The following FOCAD variants were observed in gnomAD, a reference collection of about 807,000 sequenced individuals.
FOCAD encodes focadhesin.
FOCAD carries 198 observed loss-of-function variants against 225.6 expected under a neutral mutation model. That is an observed-to-expected ratio of 0.88 (90% CI 0.78 to 0.99). The LOEUF (loss-of-function observed/expected upper bound fraction) is 0.99. Ranked by LOEUF, FOCAD falls within the 50% of genes least tolerant of loss-of-function variation. The pLI is 0.00. For synonymous variants in FOCAD, 897 were observed against 755.0 expected, an observed-to-expected ratio of 1.19 and a Z score of -3.08; for missense variants, 2,713 against 2,123.6, an observed-to-expected ratio of 1.28 and a Z score of -5.46.
intron 18 of FOCAD, among the ~76,000 whole-genome samples, 185 bp downstream of exon 18, chr9:20,867,197 A>G (rs1829362226): frequency 6.6e-6 from 1 of 151,958 alleles, no homozygotes; most frequent in Non-Finnish European, 1.5e-5. Context: ...TTTGAAGCAG[A>G]TGGAAGACAC....
At chr9:20,798,105 C>T (rs941184092) in intron 11 of FOCAD, among the ~76,000 whole-genome samples, 1 of 152,130 alleles carries the variant, frequency 6.6e-6, no homozygotes, top group Non-Finnish European at 1.5e-5. Context: ...TTGAGATAAT[C>T]ATGTGGTTTT....
chr9:20,833,001 A>C (rs143792415), intron 15 of FOCAD, among the ~76,000 whole-genome samples: 1 of 152,088 alleles, frequency 6.6e-6, no homozygotes, highest in Admixed American at 6.6e-5. Flanking sequence ...AAAGTTGCAT[A>C]TACTACTTTG....
chr9:20,927,606 A>G (rs1487390932), intron 26 of FOCAD, among the ~76,000 whole-genome samples: 2 of 151,832 alleles, frequency 1.3e-5, no homozygotes, highest in Non-Finnish European at 2.9e-5. Flanking sequence ...ATGAGAAAAC[A>G]CTTTTTTGTT....
chr9:20,735,047 T>C (rs1213208389), intron 4 of FOCAD, among the ~76,000 whole-genome samples: 1 of 152,210 alleles, frequency 6.6e-6, no homozygotes, highest in African/African-American at 2.4e-5. Flanking sequence ...TGAACCAACA[T>C]ATCAACATGA....
intron 2 of FOCAD, among the ~76,000 whole-genome samples, chr9:20,673,780 G>A (rs1039582988): frequency 3.3e-5 from 5 of 152,052 alleles, no homozygotes; most frequent in African/African-American, 1.2e-4. Flanking sequence ...CCATGTTGCC[G>A]AGGCTGGTCT....
At chr9:20,932,219 C>T (rs987954836) in intron 27 of FOCAD, among the ~76,000 whole-genome samples, 7 of 152,048 alleles carry the variant, frequency 4.6e-5, no homozygotes, top group African/African-American at 1.7e-4. Context: ...GCAAAAATTC[C>T]TTCACCTTGG....
chr9:20,842,009 C>T (rs1023545300), intron 15 of FOCAD, among the ~76,000 whole-genome samples: 17 of 151,816 alleles, frequency 1.1e-4, no homozygotes, highest in African/African-American at 2.7e-4. Flanking sequence ...TTTATTGACC[C>T]CACTGGTCAT....
intron 18 of FOCAD, among the ~76,000 whole-genome samples, chr9:20,867,820 G>A (rs112685609): frequency 1.3e-5 from 2 of 152,042 alleles, no homozygotes; most frequent in Admixed American, 6.6e-5. Flanking sequence ...AGAAGGTTTG[G>A]TGTGAATTCC....
chr9:20,908,304 G>A (rs550045760), intron 22 of FOCAD, among the ~76,000 whole-genome samples: 1 of 152,182 alleles, frequency 6.6e-6, no homozygotes, highest in East Asian at 1.9e-4. Context: ...TGAGGTGGGC[G>A]GGGTGAGAGT....
chr9:20,748,379 A>G (rs1427331192), intron 5 of FOCAD, among the ~76,000 whole-genome samples: 2 of 152,010 alleles, frequency 1.3e-5, no homozygotes, highest in African/African-American at 4.8e-5. Context: ...CCTAAGATAT[A>G]CTTAGGTTTA....
At chr9:20,946,654 T>C in intron 29 of FOCAD, 47 bp from the exon 30 acceptor site, 1 of 1,572,072 alleles carries the variant, frequency 6.4e-7, no homozygotes, top group South Asian at 1.2e-5. Flanking sequence ...CGAGTTCTTT[T>C]ATTTTTCCTC....
At chr9:20,658,061 C>G (rs1339609640), upstream of FOCAD, among the ~76,000 whole-genome samples, 24 of 147,136 alleles carry the variant, frequency 1.6e-4, no homozygotes, top group East Asian at 1.8e-3. Flanking sequence ...TGTGCCCCTG[C>G]TGGGGGGTGC....
chr9:20,908,912 A>G (rs1393168413), intron 22 of FOCAD, among the ~76,000 whole-genome samples: 2 of 152,042 alleles, frequency 1.3e-5, no homozygotes, highest in Non-Finnish European at 2.9e-5. Flanking sequence ...CTTCCTCACA[A>G]TGAGCTCCCA....
intron 16 of FOCAD, among the ~76,000 whole-genome samples, chr9:20,865,578 G>A (rs752038325): frequency 3.9e-5 from 6 of 152,000 alleles, no homozygotes; most frequent in South Asian, 2.1e-4. Context: ...ACCATGTGCC[G>A]TATGGCCACA....
At chr9:20,661,696 A>G (rs1037643477) in intron 2 of FOCAD, among the ~76,000 whole-genome samples, 2 of 152,238 alleles carry the variant, frequency 1.3e-5, no homozygotes, top group Non-Finnish European at 2.9e-5. Context: ...TGCTAAACAT[A>G]GGATACATTG....
chr9:20,710,060 A>C lies in FOCAD; in HGVS notation c.-32-5262A>C, dbSNP rs117236707. Among the ~76,000 whole-genome samples, 11 of 152,246 alleles carry C rather than the reference A, an allele frequency of 7.2e-5. No individual in the cohort carries two copies. The East Asian group carries it at 2.1e-3, about 29-fold the overall frequency. On this transcript the variant is annotated intron_variant, in intron 1 of 43. Transcript: ENST00000338382. ...GCATTCTGGGCCTGGATCAGAGTGC[A>C]TAGCCCCACATCTTCTTCTGTATAG...
intron 35 of FOCAD, among the ~76,000 whole-genome samples, chr9:20,968,361 A>G (rs1450707048): frequency 6.7e-6 from 1 of 149,796 alleles, no homozygotes; most frequent in Non-Finnish European, 1.5e-5. Context: ...TAGTCTAGAT[A>G]ACAGTTTGCC....
chr9:20,901,682 A>G (rs947147008), intron 21 of FOCAD, among the ~76,000 whole-genome samples: 2 of 146,980 alleles, frequency 1.4e-5, no homozygotes, highest in Non-Finnish European at 3.0e-5. Context: ...TTTCTCTCCC[A>G]TCATTCCCCT....
intron 20 of FOCAD, 22 bp from the exon 21 acceptor site, chr9:20,885,087 G>A: frequency 7.6e-7 from 1 of 1,308,458 alleles, no homozygotes; most frequent in Non-Finnish European, 1.0e-6. Flanking sequence ...ATAAAATAAA[G>A]TCTATATAAT....
Sources: gnomAD v4.1 joint callset for allele counts (sites outside exome capture counted in the v4.1 genomes callset) on GRCh38, gnomAD v4.1.1 for gene constraint, MANE v1.5 for transcripts, NCBI Gene and HGNC (gene_info 2026-07-23, HGNC 2026-07-21) for gene names.